PARD3: variants seen among roughly 807,000 people sequenced by gnomAD.
The protein encoded by PARD3 is partitioning defective 3 homolog.
In PARD3, 75 loss-of-function variants were observed where a neutral mutation model predicts 155.4. That is an observed-to-expected ratio of 0.48 (90% confidence interval 0.40 to 0.58). PARD3 has a LOEUF of 0.58. PARD3 is among the 20% of genes least tolerant of loss of function. PARD3 has a pLI of 0.00. For synonymous variants in PARD3, 576 were observed against 610.5 expected (o/e 0.94, Z 0.83); for missense variants, 1,642 against 1,721.7 (o/e 0.95, Z 0.82).
chr10:34,561,988 G>A (rs2134067161), intron 2 of PARD3, among the ~76,000 whole-genome samples: 1 of 149,088 alleles, frequency 6.7e-6, no homozygotes, highest in South Asian at 2.1e-4. Flanking sequence ...AAAAAAATTA[G>A]CTGGGTATGG....
chr10:34,621,064 GA>G (rs1265958610), intron 2 of PARD3, among the ~76,000 whole-genome samples: 1 of 152,236 alleles, frequency 6.6e-6, no homozygotes, highest in East Asian at 1.9e-4. Context: ...GTACATTGGA[GA>G]AACCTTTGAA....
At chr10:34,259,343 G>A (rs893890558) in intron 22 of PARD3, among the ~76,000 whole-genome samples, 4 of 152,108 alleles carry the variant, frequency 2.6e-5, no homozygotes, top group African/African-American at 9.7e-5. Flanking sequence ...CAAGGTGTTG[G>A]CAGAGCCAAG....
intron 21 of PARD3, among the ~76,000 whole-genome samples, chr10:34,273,726 A>G (rs1188328352): frequency 6.6e-6 from 1 of 152,184 alleles, no homozygotes; most frequent in Non-Finnish European, 1.5e-5. Flanking sequence ...TACAAACTTA[A>G]AAGTTTTTTT....
chr10:34,261,721 GAAGAAAGGAAGGAAGA>G (rs1954980665), intron 22 of PARD3, among the ~76,000 whole-genome samples: 1 of 103,454 alleles, frequency 9.7e-6, no homozygotes, highest in Non-Finnish European at 1.7e-5. Flanking sequence ...AGGAAGAAAG[GAAGAAAGGAAGGAAGA>G]AAGGAAGAAA....
chr10:34,716,840 C>T (rs1367360249), intron 1 of PARD3, among the ~76,000 whole-genome samples: 1 of 152,068 alleles, frequency 6.6e-6, no homozygotes, highest in African/African-American at 2.4e-5. Flanking sequence ...GATGCACCTG[C>T]CTCGGCCTCC....
intron 3 of PARD3, among the ~76,000 whole-genome samples, chr10:34,478,811 G>A (rs2078878783): frequency 6.6e-6 from 1 of 152,088 alleles, no homozygotes; most frequent in Non-Finnish European, 1.5e-5. Flanking sequence ...CCAAAGTGCT[G>A]GGATTACAGG....
intron 22 of PARD3, among the ~76,000 whole-genome samples, chr10:34,134,840 A>C (rs887091618): frequency 3.9e-5 from 6 of 152,228 alleles, no homozygotes; most frequent in Admixed American, 6.5e-5. Context: ...TCTGGCTTTG[A>C]GAGATGAAAC....
intron 22 of PARD3, among the ~76,000 whole-genome samples, chr10:34,148,188 C>A (rs1484303104): frequency 6.6e-6 from 1 of 152,178 alleles, no homozygotes; most frequent in East Asian, 1.9e-4. Flanking sequence ...TTGCCTAACC[C>A]AGCCACTTAT....
chr10:34,646,467 T>C (rs2092841382), intron 2 of PARD3, among the ~76,000 whole-genome samples: 1 of 152,174 alleles, frequency 6.6e-6, no homozygotes, highest in African/African-American at 2.4e-5. Flanking sequence ...TGCTATAAAG[T>C]GTTATTTCTC....
At chr10:34,737,647 T>A (rs4259777) in intron 1 of PARD3, among the ~76,000 whole-genome samples, 2 of 151,802 alleles carry the variant, frequency 1.3e-5, no homozygotes, top group Non-Finnish European at 2.9e-5. Context: ...GGCCCTCGGC[T>A]CCCCCACCAC....
chr10:34,539,763 TAA>T (rs1214144572), intron 2 of PARD3, among the ~76,000 whole-genome samples: 1 of 152,210 alleles, frequency 6.6e-6, no homozygotes, highest in African/African-American at 2.4e-5. Context: ...AAACACTATG[TAA>T]AAGTGTATGA....
chr10:34,585,537 CTTTT>C (rs1439949751), intron 2 of PARD3, among the ~76,000 whole-genome samples: 1 of 138,246 alleles, frequency 7.2e-6, no homozygotes, highest in Non-Finnish European at 1.5e-5. Flanking sequence ...CTTTTTTTTT[CTTTT>C]TCTTTCTTTT....
intron 2 of PARD3, among the ~76,000 whole-genome samples, chr10:34,668,620 C>G (rs2093547983): frequency 6.6e-6 from 1 of 152,244 alleles, no homozygotes; most frequent in Non-Finnish European, 1.5e-5. Flanking sequence ...CACTCCAAAG[C>G]CTTTTATCTT....
chr10:34,180,351 A>G (rs1950217798), intron 22 of PARD3, among the ~76,000 whole-genome samples: 1 of 152,182 alleles, frequency 6.6e-6, no homozygotes, highest in African/African-American at 2.4e-5. Flanking sequence ...GGACCCCTTC[A>G]AGCATTTTTC....
intron 22 of PARD3, among the ~76,000 whole-genome samples, chr10:34,138,999 C>T (rs1238737542): frequency 6.6e-6 from 1 of 151,176 alleles, no homozygotes; most frequent in African/African-American, 2.4e-5. Flanking sequence ...CCTATTGATA[C>T]ATTTCTATCA....
chr10:34,119,474 G>C, intron 24 of PARD3, 139 bp downstream of exon 24: 1 of 796,368 alleles, frequency 1.3e-6, no homozygotes, highest in Non-Finnish European at 1.8e-6. Context: ...CAGTAGCCAC[G>C]GGACATTTAT....
At chr10:34,351,213 C>T (rs995783831) in intron 14 of PARD3, among the ~76,000 whole-genome samples, 51 of 152,102 alleles carry the variant, frequency 3.4e-4, no homozygotes, top group Non-Finnish European at 1.3e-4. Flanking sequence ...ACTGGATTCT[C>T]ACTGGTGATT....
intron 7 of PARD3, among the ~76,000 whole-genome samples, chr10:34,384,487 G>C (rs978875483): frequency 1.3e-5 from 2 of 152,174 alleles, no homozygotes; most frequent in Non-Finnish European, 2.9e-5. Flanking sequence ...TCAGTATTAT[G>C]TTTCTAGAAC....
chr10:34,425,679 A>T (rs940088690), intron 5 of PARD3, among the ~76,000 whole-genome samples: 1 of 152,154 alleles, frequency 6.6e-6, no homozygotes, highest in African/African-American at 2.4e-5. Context: ...TTACAGGCGC[A>T]TGTCCCTGTG....
Sources: allele counts gnomAD v4.1 joint callset (sites outside exome capture counted in the v4.1 genomes callset), GRCh38; gene constraint gnomAD v4.1.1; transcripts MANE v1.5; gene names NCBI Gene and HGNC (gene_info 2026-07-23, HGNC 2026-07-21).